DST: variants seen among roughly 807,000 people sequenced by gnomAD.
DST encodes the protein dystonin.
A neutral mutation model predicts 875.2 loss-of-function variants in DST; 253 were observed. The observed-to-expected ratio is 0.29, with a 90% CI of 0.26 to 0.32. The LOEUF (loss-of-function observed/expected upper bound fraction) is 0.32, where lower values mean the gene tolerates loss of function less well. Ranked by LOEUF, DST falls within the 10% of genes least tolerant of loss-of-function variation. DST has a pLI of 1.00. For missense variants in DST, 8,287 were observed against 9,111.6 expected (o/e 0.91, Z 3.68); for synonymous variants, 3,124 against 3,197.1 (o/e 0.98, Z 0.77).
chr6:56,566,721 A>C (rs946213081), intron 55 of DST, among the ~76,000 whole-genome samples: 1 of 152,254 alleles, frequency 6.6e-6, no homozygotes, highest in Non-Finnish European at 1.5e-5. Context: ...GAAGGTGCTC[A>C]GTATATAAGT....
intron 22 of DST, among the ~76,000 whole-genome samples, chr6:56,637,010 G>C (rs1208918053): frequency 6.6e-6 from 1 of 152,134 alleles, no homozygotes; most frequent in African/African-American, 2.4e-5. Flanking sequence ...TTGAACCCAG[G>C]AGGCGGAGGT....
At chr6:56,588,534 G>A (rs2098208661) in intron 49 of DST, among the ~76,000 whole-genome samples, 1 of 152,132 alleles carries the variant, frequency 6.6e-6, no homozygotes, top group South Asian at 2.1e-4. Context: ...TGAGAACTAG[G>A]AAGTCATCCC....
chr6:56,579,916 C>T (rs879747366), intron 49 of DST, among the ~76,000 whole-genome samples: 6 of 152,012 alleles, frequency 3.9e-5, no homozygotes, highest in Non-Finnish European at 8.8e-5. Context: ...CCAATGGAAA[C>T]GAAATAAAGG....
At chr6:56,593,129 G>A (rs2098310392) in intron 48 of DST, among the ~76,000 whole-genome samples, 1 of 152,104 alleles carries the variant, frequency 6.6e-6, no homozygotes, top group Non-Finnish European at 1.5e-5. Context: ...GCATTTGAGA[G>A]CTGGGACTTC....
In DST at chr6:56,575,386, C is replaced by T. The variant is rs1177264872; in HGVS notation, c.13028-1499G>A. Among the ~76,000 whole-genome samples, 4 of 152,198 alleles carry T rather than the reference C, an allele frequency of 2.6e-5. No homozygotes were observed. The South Asian group carries it at 8.3e-4, about 32-fold the overall frequency. On this transcript the variant is annotated intron_variant, in intron 50 of 103. Coordinates refer to ENST00000680361, the MANE Select transcript of DST (RefSeq NM_001374736.1). ...AAAAGTTGAAGAAAAAAAATGAGCT[C>T]TAATTTGGAAACTCACAAGAGCACA...
chr6:56,699,849 G>T, intron 8 of DST, 104 bp from the exon 9 acceptor site: 1 of 529,816 alleles, frequency 1.9e-6, no homozygotes, highest in Non-Finnish European at 3.2e-6. Context: ...AAGAAAAAAT[G>T]GAATAATTTA....
In DST at chr6:56,598,536, T is replaced by C. The variant is rs1280352443; in HGVS notation, c.11868A>G (p.Glu3956=). The C allele has an allele frequency of 2.5e-6, 4 of 1,608,532 alleles. No homozygotes were observed. Among genetic ancestry groups the C allele is most frequent in the East Asian group, 2.2e-5 (1 of 44,750 alleles). Residue 3956 remains glutamate, a synonymous_variant, in exon 46 of 104, where the codon GAA becomes GAG. Coordinates refer to ENST00000680361, the MANE Select transcript of DST (RefSeq NM_001374736.1). ...IKCEQLNLKA[E]QSKKELDKVV... ...CTTTATCCAGCTCCTTTTTAGACTG[T>C]TCTGCTTTTAAATTAAGCTGTTCAC... is the stretch of plus-strand genomic sequence containing the variant.
intron 5 of DST, among the ~76,000 whole-genome samples, chr6:56,715,528 A>G (rs138245009): frequency 6.6e-6 from 1 of 152,178 alleles, no homozygotes; most frequent in Admixed American, 6.5e-5. Context: ...CCAAGCGCAA[A>G]GAGGGAGGAT....
chr6:56,745,316 CAA>C (rs1292073611), intron 4 of DST, among the ~76,000 whole-genome samples: 1 of 152,154 alleles, frequency 6.6e-6, no homozygotes, highest in Non-Finnish European at 1.5e-5. Context: ...GTTGTGGCAA[CAA>C]AAGACTCTCA....
intron 2 of DST, among the ~76,000 whole-genome samples, chr6:56,934,548 TTATATATTATATTATATATATATATA>T (rs1446403504): frequency 9.4e-6 from 1 of 105,964 alleles, no homozygotes; most frequent in Admixed American, 1.0e-4. Flanking sequence ...AATATACATA[TTATATATTATATTATATATATATATA>T]TATATATATA....
intron 4 of DST, among the ~76,000 whole-genome samples, chr6:56,801,504 T>TA (rs2099746820): frequency 6.6e-6 from 1 of 152,190 alleles, no homozygotes. Context: ...GTCAAGGATC[T>TA]AAAATGTCTT....
chr6:56,802,362 T>TA, intron 4 of DST, among the ~76,000 whole-genome samples: 1 of 152,292 alleles, frequency 6.6e-6, no homozygotes, highest in South Asian at 2.1e-4. Context: ...GTCAACCTTT[T>TA]AAATTTGGTA....
chr6:56,934,037 T>A (rs145699765), intron 2 of DST, among the ~76,000 whole-genome samples: 8 of 152,128 alleles, frequency 5.3e-5, no homozygotes, highest in South Asian at 2.1e-4. Flanking sequence ...ATATATATAT[T>A]TTTTATTTTT....
intron 4 of DST, among the ~76,000 whole-genome samples, chr6:56,793,617 A>G (rs2099734962): frequency 6.6e-6 from 1 of 152,216 alleles, no homozygotes; most frequent in Non-Finnish European, 1.5e-5. Flanking sequence ...GGTAGTATAA[A>G]AAGTTTTAAT....
At chr6:56,878,900 T>C (rs1780723476) in intron 3 of DST, among the ~76,000 whole-genome samples, 2 of 152,192 alleles carry the variant, frequency 1.3e-5, no homozygotes, top group South Asian at 4.1e-4. Flanking sequence ...GTTATATTAT[T>C]ATTAGACGAA....
At chr6:56,776,868 T>C (rs2099680257) in intron 4 of DST, among the ~76,000 whole-genome samples, 1 of 152,146 alleles carries the variant, frequency 6.6e-6, no homozygotes, top group East Asian at 1.9e-4. Context: ...CCGAAGCAAA[T>C]TGTTTAAACA....
At chr6:56,823,558 A>C (rs369836643) in intron 4 of DST, among the ~76,000 whole-genome samples, 1 of 152,040 alleles carries the variant, frequency 6.6e-6, no homozygotes, top group South Asian at 2.1e-4. Context: ...CTACAGGTGC[A>C]CGCCACCACA....
At chr6:56,517,361 T>C (rs1477022515) in intron 70 of DST, 56 bp from the exon 71 acceptor site, 3 of 1,586,794 alleles carry the variant, frequency 1.9e-6, no homozygotes, top group Middle Eastern at 1.7e-4. Flanking sequence ...ATGACTAAAA[T>C]GAAAACAATT....
At chr6:56,932,624 T>C (rs1483337076) in intron 2 of DST, among the ~76,000 whole-genome samples, 1 of 152,098 alleles carries the variant, frequency 6.6e-6, no homozygotes, top group Non-Finnish European at 1.5e-5. Context: ...TCCATTCCTA[T>C]ATACATCAAA....
Sources: gnomAD v4.1 joint callset for allele counts (sites outside exome capture counted in the v4.1 genomes callset) on GRCh38, gnomAD v4.1.1 for gene constraint, MANE v1.5 for transcripts, NCBI Gene and HGNC (gene_info 2026-07-23, HGNC 2026-07-21) for gene names.